Variants in PPIP5K1 observed in about 807,000 individuals in gnomAD.
The protein encoded by PPIP5K1 is diphosphoinositol pentakisphosphate kinase 1, also known as inositol hexakisphosphate and diphosphoinositol-pentakisphosphate kinase 1.
A neutral mutation model predicts 27.7 loss-of-function variants in PPIP5K1; 6 were observed. The observed-to-expected ratio is 0.22, with a 90% CI of 0.12 to 0.43. PPIP5K1 has a LOEUF of 0.43. PPIP5K1 is among the 20% of genes least tolerant of loss of function. The pLI is 1.00. For synonymous variants in PPIP5K1, 145 were observed against 242.6 expected, an observed-to-expected ratio of 0.60 and a Z score of 3.74; for missense variants, 394 against 635.4, an observed-to-expected ratio of 0.62 and a Z score of 4.08.
chr15:43,553,640 C>G (rs1567054125), intron 30 of PPIP5K1, among the ~76,000 whole-genome samples: 1 of 146,800 alleles, frequency 6.8e-6, no homozygotes, highest in African/African-American at 2.5e-5. Flanking sequence ...TACTAATTTT[C>G]TGTGTGTTTT....
intron 30 of PPIP5K1, among the ~76,000 whole-genome samples, chr15:43,551,169 T>C (rs190272112): frequency 6.6e-6 from 1 of 152,106 alleles, no homozygotes; most frequent in Non-Finnish European, 1.5e-5. Context: ...TGTGGTAGAG[T>C]TCACCAGTGA....
rs570361999 is a variant in PPIP5K1 at position 43,535,279 on chromosome 15, G to C, written c.3868C>G (p.Leu1290Val). ...QELSIEGEQELFEPNQSPQVP... is the reference protein window; with the variant it reads ...QELSIEGEQEVFEPNQSPQVP... ...TGTGGGGACTGATTTGGTTCAAAAA[G>C]CTCTTGCTCCCCTTCTATGGAGAGC... Residue 1290 changes from leucine to valine, a missense_variant, in exon 32 of 32, where the codon CTT (leucine) becomes GTT (valine). By Grantham distance (32) the Leu-to-Val change is conservative. Around this residue, in one of 4 missense-constraint regions of PPIP5K1, gnomAD observed 379 missense variants for 423.9 expected, o/e 0.89. Transcript: ENST00000420765. The C allele has an allele frequency of 6.2e-7, 1 of 1,614,184 alleles. No homozygotes were observed. The highest frequency in any genetic ancestry group is 8.5e-7 in the Non-Finnish European group (1 of 1,180,032).
chr15:43,545,667 T>C (rs1023700837), intron 30 of PPIP5K1, among the ~76,000 whole-genome samples: 6 of 152,092 alleles, frequency 3.9e-5, no homozygotes, highest in Non-Finnish European at 5.9e-5. Context: ...TTTTTTTGCT[T>C]CACAAGTTTG....
At chr15:43,551,672 G>A (rs1458606499) in intron 30 of PPIP5K1, among the ~76,000 whole-genome samples, 4 of 117,616 alleles carry the variant, frequency 3.4e-5, no homozygotes, top group African/African-American at 1.3e-4. Flanking sequence ...GCGGGATCTC[G>A]GCTCACTGCA....
chr15:43,535,145 CT>C lies in PPIP5K1; in HGVS notation c.4001del (p.Gln1334ArgfsTer79). Reference protein sequence around the residue: ...PCQDISEALSQPCQKVPDISQ... With the variant: ...PCQDISEALSXPCQKVPDISQ... ...TGATGTCAGGGACCTTCTGACATGGCTGGCTGAGCGCCTCAGAAATGTCCTG... is the reference window on the plus strand; with the variant it reads ...TGATGTCAGGGACCTTCTGACATGGCGGCTGAGCGCCTCAGAAATGTCCTG... On this transcript the variant is annotated frameshift_variant, in exon 32 of 32. Transcript: ENST00000420765. LOFTEE classifies it low-confidence loss of function (END_TRUNC). 6.2e-7 allele frequency: 1 copy of C among 1,613,710 alleles called. No homozygotes were observed. The highest frequency in any genetic ancestry group is 1.7e-5 in the Admixed American group (1 of 59,986).
At chr15:43,543,826 C>T (rs1451433003) in intron 30 of PPIP5K1, among the ~76,000 whole-genome samples, 2 of 151,014 alleles carry the variant, frequency 1.3e-5, no homozygotes, top group African/African-American at 4.9e-5. Flanking sequence ...TATATTCACA[C>T]ACTATATACA....
chr15:43,545,220 C>T (rs1034888212), intron 30 of PPIP5K1, among the ~76,000 whole-genome samples: 1 of 151,128 alleles, frequency 6.6e-6, no homozygotes, highest in Non-Finnish European at 1.5e-5. Flanking sequence ...CAGAGGTTAA[C>T]TATAATTCTG....
At chr15:43,553,543 A>C (rs1324791844) in intron 30 of PPIP5K1, among the ~76,000 whole-genome samples, 1 of 151,398 alleles carries the variant, frequency 6.6e-6, no homozygotes, top group East Asian at 1.9e-4. Context: ...GGGTCTCACT[A>C]TGTTACCCAG....
At chr15:43,550,726 T>C (rs2082091226) in intron 30 of PPIP5K1, among the ~76,000 whole-genome samples, 3 of 152,234 alleles carry the variant, frequency 2.0e-5, no homozygotes, top group African/African-American at 7.2e-5. Flanking sequence ...CTACTGAGTA[T>C]GATGTGTGCT....
Position 43,534,686 on chromosome 15 carries a change from C to G in PPIP5K1, c.4461G>C (p.Glu1487Asp), listed in dbSNP as rs1388198740. ...CCACCCAGGACTTCTAATTTATCTC[C>G]TCAGGGACCTCCTGGGCCTGCAGAT... is the stretch of plus-strand genomic sequence containing the variant. ...EIDLQAQEVP[E>D]EIN The change falls in exon 32 of 32, where the codon GAG becomes GAC. Residue 1487 changes from glutamate to aspartate, a missense_variant. Transcript: ENST00000420765. The G allele has an allele frequency of 6.6e-7, 1 of 1,524,782 alleles. No homozygotes were observed. Among genetic ancestry groups the G allele is most frequent in the African/African-American group, 1.4e-5 (1 of 71,764 alleles). The allele number at this position is 1,524,782 out of a possible 1,614,324, so 94.5% of individuals were successfully genotyped here.
chr15:43,537,705 A>AG, intron 31 of PPIP5K1, among the ~76,000 whole-genome samples: 19 of 134,554 alleles, frequency 1.4e-4, no homozygotes, highest in African/African-American at 6.1e-4. Context: ...AAAAAAAAAA[A>AG]AAGAGAGAGA....
At chr15:43,556,810 A>G (rs1174012866) in intron 30 of PPIP5K1, among the ~76,000 whole-genome samples, 1 of 152,226 alleles carries the variant, frequency 6.6e-6, no homozygotes, top group Admixed American at 6.5e-5. Flanking sequence ...CATCTTCAAG[A>G]GCACAACAAA....
chr15:43,559,994 T>C (rs1032097853), intron 29 of PPIP5K1, among the ~76,000 whole-genome samples: 15 of 151,858 alleles, frequency 9.9e-5, no homozygotes, highest in South Asian at 6.2e-4. Flanking sequence ...AAGGATACAA[T>C]TGAGGCTTCT....
At chr15:43,560,087 T>A (rs1024877767) in intron 29 of PPIP5K1, among the ~76,000 whole-genome samples, 2 of 150,698 alleles carry the variant, frequency 1.3e-5, no homozygotes, top group African/African-American at 4.9e-5. Flanking sequence ...TAGAAAAACA[T>A]TTGGATTTGA....
intron 31 of PPIP5K1, among the ~76,000 whole-genome samples, chr15:43,538,743 A>C (rs2080254167): frequency 6.6e-6 from 1 of 150,994 alleles, no homozygotes; most frequent in South Asian, 2.1e-4. Context: ...CAATCTCCTG[A>C]CCTCGTGATC....
chr15:43,537,096 G>A (rs554860273), intron 31 of PPIP5K1, among the ~76,000 whole-genome samples: 2 of 151,900 alleles, frequency 1.3e-5, no homozygotes, highest in African/African-American at 4.8e-5. Context: ...CAGCACTTTG[G>A]GAGGCCGAGG....
intron 30 of PPIP5K1, among the ~76,000 whole-genome samples, chr15:43,540,193 A>G (rs1000327933): frequency 1.3e-5 from 2 of 152,048 alleles, no homozygotes; most frequent in African/African-American, 4.8e-5. Context: ...CAGAGGTTGC[A>G]GTGAGCTGAG....
intron 30 of PPIP5K1, among the ~76,000 whole-genome samples, chr15:43,558,252 G>A (rs536472354): frequency 6.9e-4 from 102 of 148,552 alleles, no homozygotes; most frequent in Non-Finnish European, 1.3e-3. Context: ...TTTTTGAGAT[G>A]GAGTCTCACT....
intron 30 of PPIP5K1, among the ~76,000 whole-genome samples, chr15:43,542,772 C>G (rs1381886850): frequency 6.6e-6 from 1 of 151,542 alleles, no homozygotes; most frequent in Non-Finnish European, 1.5e-5. Context: ...GCCTCAAACT[C>G]CTGGGCTCAA....
Sources: allele counts gnomAD v4.1 joint callset (sites outside exome capture counted in the v4.1 genomes callset), GRCh38; gene constraint gnomAD v4.1.1; regional missense constraint gnomAD v4.1.1; transcripts MANE v1.5; gene names NCBI Gene and HGNC (gene_info 2026-07-23, HGNC 2026-07-21).